ZRANB3: variants seen among roughly 807,000 people sequenced by gnomAD.
The protein encoded by ZRANB3 is zinc finger RANBP2-type containing 3.
In ZRANB3, 125 loss-of-function variants were observed where a neutral mutation model predicts 133.8. The observed-to-expected ratio is 0.93, with a 90% CI of 0.81 to 1.08. The LOEUF is 1.08. Ranked by LOEUF, ZRANB3 falls within the 50% of genes least tolerant of loss-of-function variation. ZRANB3 has a pLI of 0.00. For synonymous variants in ZRANB3, 387 were observed against 432.7 expected, an observed-to-expected ratio of 0.89 and a Z score of 1.31; for missense variants, 1,229 against 1,275.5, an observed-to-expected ratio of 0.96 and a Z score of 0.56.
intron 2 of ZRANB3, among the ~76,000 whole-genome samples, chr2:135,502,856 A>G (rs2104820806): frequency 6.6e-6 from 1 of 152,324 alleles, no homozygotes; most frequent in African/African-American, 2.4e-5. Context: ...GTAAGGTGAA[A>G]AACACCAGAT....
chr2:135,375,616 C>T (rs375800396), intron 3 of ZRANB3, among the ~76,000 whole-genome samples: 14 of 151,674 alleles, frequency 9.2e-5, no homozygotes, highest in African/African-American at 2.4e-4. Context: ...ACCTGGGAGG[C>T]GGAGCTTGCA....
intron 13 of ZRANB3, among the ~76,000 whole-genome samples, chr2:135,229,429 G>A (rs951990321): frequency 4.0e-5 from 6 of 149,394 alleles, no homozygotes; most frequent in Non-Finnish European, 7.4e-5. Flanking sequence ...GTGCAGTGGC[G>A]CGATCTCGGC....
chr2:135,244,957 T>G (rs1695722582), intron 12 of ZRANB3, among the ~76,000 whole-genome samples: 1 of 152,154 alleles, frequency 6.6e-6, no homozygotes, highest in South Asian at 2.1e-4. Flanking sequence ...AACAGAACAT[T>G]CCACTTGGGT....
chr2:135,229,147 A>T (rs1048315850), intron 13 of ZRANB3, among the ~76,000 whole-genome samples: 1 of 152,178 alleles, frequency 6.6e-6, no homozygotes, highest in African/African-American at 2.4e-5. Context: ...TGTGATTCCA[A>T]TTTAGTTCAC....
intron 3 of ZRANB3, among the ~76,000 whole-genome samples, chr2:135,372,755 C>T (rs1686240872): frequency 6.7e-6 from 1 of 150,106 alleles, no homozygotes; most frequent in Middle Eastern, 3.4e-3. Flanking sequence ...CCACTGCACT[C>T]CAGCCTGGGC....
chr2:135,308,696 G>A (rs971241509), intron 8 of ZRANB3, among the ~76,000 whole-genome samples: 6 of 152,088 alleles, frequency 3.9e-5, no homozygotes, highest in African/African-American at 1.4e-4. Context: ...GAACTCCTAA[G>A]CTGAAGGGAC....
chr2:135,494,896 G>C (rs1692593864), intron 2 of ZRANB3, among the ~76,000 whole-genome samples: 1 of 152,192 alleles, frequency 6.6e-6, no homozygotes, highest in African/African-American at 2.4e-5. Flanking sequence ...TGCTATAAAA[G>C]ACAGCATTGG....
chr2:135,502,567 G>A (rs905801105), intron 2 of ZRANB3, among the ~76,000 whole-genome samples: 3 of 152,198 alleles, frequency 2.0e-5, no homozygotes, highest in African/African-American at 7.2e-5. Flanking sequence ...CAGCATCACA[G>A]AGATAGTAAG....
chr2:135,519,590 A>G (rs948224294), intron 1 of ZRANB3, among the ~76,000 whole-genome samples: 6 of 152,186 alleles, frequency 3.9e-5, no homozygotes, highest in African/African-American at 1.4e-4. Flanking sequence ...GCTAAATCCC[A>G]CTGAAAATAT....
intron 8 of ZRANB3, among the ~76,000 whole-genome samples, chr2:135,307,736 G>A (rs1190705246): frequency 6.6e-6 from 1 of 152,146 alleles, no homozygotes; most frequent in African/African-American, 2.4e-5. Context: ...ATCCAGAATT[G>A]AGCATGCTTC....
intron 12 of ZRANB3, among the ~76,000 whole-genome samples, chr2:135,231,202 G>A (rs1694997415): frequency 6.6e-6 from 1 of 152,054 alleles, no homozygotes; most frequent in Non-Finnish European, 1.5e-5. Context: ...CCTCACATCA[G>A]CTCTATGAAG....
At chr2:135,369,352 TTTTA>T (rs1398678109) in intron 3 of ZRANB3, among the ~76,000 whole-genome samples, 2 of 152,130 alleles carry the variant, frequency 1.3e-5, no homozygotes, top group South Asian at 2.1e-4. Context: ...TACAAATATA[TTTTA>T]TTAATAGTTT....
intron 2 of ZRANB3, among the ~76,000 whole-genome samples, chr2:135,401,360 G>C (rs1487775848): frequency 6.6e-6 from 1 of 152,200 alleles, no homozygotes; most frequent in African/African-American, 2.4e-5. Flanking sequence ...TGATCTTTAT[G>C]TGATGAAGAT....
At chr2:135,332,478 C>T (rs1389729013) in intron 6 of ZRANB3, among the ~76,000 whole-genome samples, 3 of 152,132 alleles carry the variant, frequency 2.0e-5, no homozygotes, top group Non-Finnish European at 4.4e-5. Flanking sequence ...AGTAGGCAAT[C>T]AATAACATTA....
chr2:135,297,908 CT>C (rs1558897744), intron 8 of ZRANB3, among the ~76,000 whole-genome samples: 1 of 152,066 alleles, frequency 6.6e-6, no homozygotes, highest in East Asian at 1.9e-4. Context: ...TCTCTGGAGA[CT>C]TTTTTGTCCA....
At chr2:135,476,232 T>C (rs1691493811) in intron 2 of ZRANB3, among the ~76,000 whole-genome samples, 1 of 152,220 alleles carries the variant, frequency 6.6e-6, no homozygotes, top group South Asian at 2.1e-4. Context: ...GTGGGGACAT[T>C]TTAATATGTA....
intron 2 of ZRANB3, among the ~76,000 whole-genome samples, chr2:135,425,908 G>C (rs570993213): frequency 4.6e-5 from 7 of 151,938 alleles, no homozygotes; most frequent in South Asian, 2.1e-4. Context: ...TGAATCCAGG[G>C]ATTGGTTTTT....
intron 3 of ZRANB3, among the ~76,000 whole-genome samples, chr2:135,369,785 C>G (rs1322035816): frequency 6.6e-6 from 1 of 152,058 alleles, no homozygotes. Flanking sequence ...TCAATAAACT[C>G]CTCAATTTTC....
At chr2:135,363,665 A>G (rs1685791710) in intron 3 of ZRANB3, among the ~76,000 whole-genome samples, 1 of 152,210 alleles carries the variant, frequency 6.6e-6, no homozygotes, top group Non-Finnish European at 1.5e-5. Flanking sequence ...AGAAAAGGAA[A>G]GGACAAAAAG....
Sources: gnomAD v4.1 joint callset for allele counts (sites outside exome capture counted in the v4.1 genomes callset) on GRCh38, gnomAD v4.1.1 for gene constraint, MANE v1.5 for transcripts, NCBI Gene and HGNC (gene_info 2026-07-23, HGNC 2026-07-21) for gene names.